Variants in RNF170 observed in about 807,000 individuals in gnomAD.
The protein encoded by RNF170 is ring finger protein 170, also known as E3 ubiquitin-protein ligase RNF170.
A neutral mutation model predicts 32.7 loss-of-function variants in RNF170; 12 were observed. The observed-to-expected ratio is 0.37, with a 90% CI of 0.24 to 0.60. RNF170 has a LOEUF of 0.60. RNF170 is among the 20% of genes least tolerant of loss of function. The pLI is 0.72. For synonymous variants in RNF170, 91 were observed against 103.6 expected (o/e 0.88, Z 0.74); for missense variants, 212 against 311.2 (o/e 0.68, Z 2.40).
downstream of RNF170, among the ~76,000 whole-genome samples, chr8:42,851,564 CAAAAAAAAA>C (rs11345853): frequency 1.2e-5 from 1 of 82,572 alleles, no homozygotes; most frequent in Non-Finnish European, 2.7e-5. Context: ...GACTCCGTCT[CAAAAAAAAA>C]AAAAAAAGAA....
chr8:42,879,451 G>A (rs1175549290), intron 2 of RNF170, among the ~76,000 whole-genome samples: 6 of 151,978 alleles, frequency 3.9e-5, no homozygotes, highest in African/African-American at 1.2e-4. Context: ...AGGAGTTTGC[G>A]ACCAGCCTGG....
rs367657360 is a variant in RNF170, at chr8:42,876,283, G to A, written c.138-2277C>T. Among the ~76,000 whole-genome samples the A allele has an allele frequency of 2.6e-4, 40 of 151,504 alleles. No homozygotes were observed. In the South Asian group the frequency reaches 7.7e-3, roughly 29 times the overall value. ...AAAAATATTCTACCACCAGATTTAA[G>A]AATTCCTACATCTTGTTGTGAAGCC... On this transcript the variant is annotated intron_variant, in intron 2 of 6. Transcript: ENST00000527424.
chr8:42,877,239 G>A (rs1805022660), intron 2 of RNF170, among the ~76,000 whole-genome samples: 1 of 151,340 alleles, frequency 6.6e-6, no homozygotes, highest in African/African-American at 2.4e-5. Context: ...TTTTGTTTTT[G>A]AGACAGATCT....
At chr8:42,865,003 T>C (rs111444559) in intron 5 of RNF170, among the ~76,000 whole-genome samples, 4 of 151,022 alleles carry the variant, frequency 2.6e-5, no homozygotes, top group African/African-American at 9.7e-5. Context: ...ATGCCTGTAA[T>C]CCCAGCACCT....
chr8:42,894,191 A>G (rs1467321743), intron 1 of RNF170, among the ~76,000 whole-genome samples: 1 of 152,248 alleles, frequency 6.6e-6, no homozygotes, highest in African/African-American at 2.4e-5. Context: ...TGAAACCTCC[A>G]GAACAACGTA....
intron 1 of RNF170, 47 bp downstream of exon 1, chr8:42,896,437 C>T (rs1487897034): frequency 4.4e-6 from 2 of 452,526 alleles, no homozygotes; most frequent in Admixed American, 2.4e-5. Context: ...GTCCGCGGCT[C>T]CGCGGGCCCC....
Position 42,854,560 on chromosome 8 carries a change from C to T in RNF170, c.*1599G>A. The T allele has an allele frequency of 1.6e-6, 2 of 1,287,036 alleles. No individual in the cohort carries two copies. The highest frequency in any genetic ancestry group is 2.0e-6 in the Non-Finnish European group (2 of 988,538). 79.7% of individuals were successfully genotyped at this position (1,287,036 alleles called of 1,614,324 possible). A position where few individuals can be genotyped will look rare whatever the true frequency, so the allele number is the denominator to read the frequency against. On this transcript the variant is annotated 3_prime_UTR_variant, in exon 7 of 7. Transcript: ENST00000527424. Reference sequence around the variant, plus strand: ...TCTCTATGACAAGCAACAGCTCTGTCCTAGGTCCAAATTAGAAAAACACAT... The same window carrying T: ...TCTCTATGACAAGCAACAGCTCTGTTCTAGGTCCAAATTAGAAAAACACAT...
chr8:42,888,672 C>T (rs535808865), intron 1 of RNF170, among the ~76,000 whole-genome samples: 13 of 152,114 alleles, frequency 8.5e-5, no homozygotes, highest in African/African-American at 2.9e-4. Flanking sequence ...GCAGGAGAAT[C>T]GCTTGAACCT....
Position 42,869,359 on chromosome 8 carries a change from G to C in RNF170, c.322+645C>G, listed in dbSNP as rs190507129. ...GTAAGAAGCCATAGAAGATTTTCCT[G>C]AATCTGCAGATTCAGGAAAAATAAG... On this transcript the variant is annotated intron_variant, in intron 4 of 6. Transcript: ENST00000527424. 1.8e-3 allele frequency among the ~76,000 whole-genome samples: 280 copies of C among 152,218 alleles called. 1 individual carries two copies. The highest frequency in any genetic ancestry group is 2.9e-3 in the Non-Finnish European group (198 of 68,004).
intron 3 of RNF170, among the ~76,000 whole-genome samples, chr8:42,872,554 T>C (rs1804600729): frequency 6.6e-6 from 1 of 152,146 alleles, no homozygotes; most frequent in Non-Finnish European, 1.5e-5. Context: ...GTGATTCTCC[T>C]GCCTCAGCCT....
chr8:42,896,004 C>T (rs1037073259), intron 1 of RNF170, among the ~76,000 whole-genome samples: 1 of 152,164 alleles, frequency 6.6e-6, no homozygotes, highest in Admixed American at 6.5e-5. Flanking sequence ...TATGCTATAT[C>T]TGTTAAAAAT....
In RNF170 at chr8:42,854,639, G is replaced by A. The variant is rs1385057796; in HGVS notation, c.*1520C>T. 3.1e-6 allele frequency: 4 copies of A among 1,287,026 alleles called. No homozygotes were observed. The highest frequency in any genetic ancestry group is 4.0e-6 in the Non-Finnish European group (4 of 988,624). The allele number at this position is 1,287,026 out of a possible 1,614,324, so 79.7% of individuals were successfully genotyped here. Reference sequence around the variant, plus strand: ...TTGGTAGCTGATCTGATTAGCTAGAGAGAATGTGACAGATTTTCTCCTTAT... The same window carrying A: ...TTGGTAGCTGATCTGATTAGCTAGAAAGAATGTGACAGATTTTCTCCTTAT... On this transcript the variant is annotated 3_prime_UTR_variant, in exon 7 of 7. Coordinates refer to ENST00000527424, the MANE Select transcript of RNF170 (RefSeq NM_030954.4).
In RNF170 at chr8:42,884,548, C is replaced by T. The variant is rs888751673; in HGVS notation, c.137+3180G>A. Among the ~76,000 whole-genome samples, 11 of 152,156 alleles carry T rather than the reference C, an allele frequency of 7.2e-5. 1 individual carries two copies. Among genetic ancestry groups the T allele is most frequent in the Admixed American group, 5.9e-4 (9 of 15,270 alleles). ...TTATATGATTTGTTTCCACAGCTTTCCCTATTTTGACAGTCTCCCCTGAAT... is the reference window on the plus strand; with the variant it reads ...TTATATGATTTGTTTCCACAGCTTTTCCTATTTTGACAGTCTCCCCTGAAT... On this transcript the variant is annotated intron_variant, in intron 2 of 6. Coordinates refer to ENST00000527424, the MANE Select transcript of RNF170 (RefSeq NM_030954.4).
At chr8:42,896,286 G>A (rs867583310) in intron 1 of RNF170, 198 bp downstream of exon 1, 24 of 348,540 alleles carry the variant, frequency 6.9e-5, no homozygotes, top group Middle Eastern at 2.0e-3. Flanking sequence ...CCCCTCCACC[G>A]TCGCCGGCGA....
At chr8:42,850,870 T>G, downstream of RNF170, 1 of 1,551,558 alleles carries the variant, frequency 6.4e-7, no homozygotes. Flanking sequence ...GAGCATTCGG[T>G]CATGGGGTAT....
chr8:42,889,789 C>T (rs1806144308), intron 1 of RNF170, among the ~76,000 whole-genome samples: 1 of 152,144 alleles, frequency 6.6e-6, no homozygotes, highest in African/African-American at 2.4e-5. Context: ...AATGAGCTGC[C>T]AACTGAACTG....
At position 42,856,094 on chromosome 8, in the gene RNF170, G is replaced by C. The variant is rs1803227367; in HGVS notation, c.*65C>G. The C allele has an allele frequency of 6.2e-7, 1 of 1,605,444 alleles. No individual in the cohort carries two copies. Among genetic ancestry groups the C allele is most frequent in the African/African-American group, 1.3e-5 (1 of 74,644 alleles). Reference sequence around the variant, plus strand: ...TGCTTCATTGCTTTATACTGCCATGGGTCCTTCTGTTTGATGTTCTACATT... The same window carrying C: ...TGCTTCATTGCTTTATACTGCCATGCGTCCTTCTGTTTGATGTTCTACATT... On this transcript the variant is annotated 3_prime_UTR_variant, in exon 7 of 7. Transcript: ENST00000527424.
intron 6 of RNF170, among the ~76,000 whole-genome samples, chr8:42,859,307 G>C (rs1259522875): frequency 6.6e-6 from 1 of 152,128 alleles, no homozygotes; most frequent in Non-Finnish European, 1.5e-5. Flanking sequence ...AGAGATGACA[G>C]GGCTGGACCA....
intron 1 of RNF170, among the ~76,000 whole-genome samples, chr8:42,888,211 G>A (rs1282108539): frequency 9.2e-5 from 14 of 151,702 alleles, no homozygotes; most frequent in Admixed American, 8.5e-4. Flanking sequence ...GACTACAGGC[G>A]CGCACCACTA....
Sources: gnomAD v4.1 joint callset for allele counts (sites outside exome capture counted in the v4.1 genomes callset) on GRCh38, gnomAD v4.1.1 for gene constraint, MANE v1.5 for transcripts, NCBI Gene and HGNC (gene_info 2026-07-23, HGNC 2026-07-21) for gene names.